Variants in SULF1 observed in about 807,000 individuals in gnomAD.
The protein encoded by SULF1 is extracellular sulfatase Sulf-1.
SULF1 carries 46 observed loss-of-function variants against 110.5 expected under a neutral mutation model. The ratio of observed to expected loss-of-function variants is 0.42; its 90% CI spans 0.33 to 0.53. The LOEUF is 0.53. Among genes scored for constraint, SULF1 ranks in the 20% least tolerant of loss-of-function variants. The pLI is 0.12. For missense variants in SULF1, 941 were observed against 1,094.2 expected (o/e 0.86, Z 1.98); for synonymous variants, 371 against 387.1 (o/e 0.96, Z 0.49).
intron 6 of SULF1, among the ~76,000 whole-genome samples, chr8:69,583,180 T>C (rs2150758558): frequency 6.6e-6 from 1 of 152,306 alleles, no homozygotes; most frequent in East Asian, 1.9e-4. Context: ...CTAGATTCTT[T>C]TAAAAATAAT....
Position 69,576,244 on chromosome 8 carries a change from G to A in SULF1, c.412+35G>A, listed in dbSNP as rs777204791. 262 of 1,600,632 alleles carry A rather than the reference G, an allele frequency of 1.6e-4. 1 individual carries two copies. The highest frequency in any genetic ancestry group is 3.5e-4 in the South Asian group (31 of 88,684). ...GACGTTTCTAGCCCATGAACGTCTTGTAATATGTCTTAGACTCAGGAAGAA... is the reference window on the plus strand; with the variant it reads ...GACGTTTCTAGCCCATGAACGTCTTATAATATGTCTTAGACTCAGGAAGAA... On this transcript the variant is annotated intron_variant, in intron 6 of 22. Transcript: ENST00000402687.
intron 3 of SULF1, among the ~76,000 whole-genome samples, chr8:69,556,617 A>G (rs1015703539): frequency 6.6e-6 from 1 of 152,238 alleles, no homozygotes; most frequent in Non-Finnish European, 1.5e-5. Flanking sequence ...TAAGCCATAG[A>G]TATATAAAAC....
chr8:69,635,157 G>A (rs1352035043), intron 19 of SULF1, among the ~76,000 whole-genome samples: 1 of 152,184 alleles, frequency 6.6e-6, no homozygotes, highest in African/African-American at 2.4e-5. Context: ...AGGGAGAGAG[G>A]GTTGAATAGG....
At chr8:69,613,060 T>C (rs748342330) in intron 13 of SULF1, among the ~76,000 whole-genome samples, 2 of 152,160 alleles carry the variant, frequency 1.3e-5, no homozygotes, top group Non-Finnish European at 2.9e-5. Context: ...TCCAGTTTCA[T>C]TCTTCTACAT....
At chr8:69,497,236 C>T (rs1810429231) in intron 2 of SULF1, among the ~76,000 whole-genome samples, 1 of 146,742 alleles carries the variant, frequency 6.8e-6, no homozygotes, top group Non-Finnish European at 1.5e-5. Context: ...CAGCTCATTG[C>T]AACCTCTGTC....
intron 3 of SULF1, among the ~76,000 whole-genome samples, chr8:69,502,693 T>TTC (rs1460352199): frequency 1.1e-4 from 16 of 146,926 alleles, no homozygotes; most frequent in Non-Finnish European, 2.0e-4. Context: ...TTTTTTTCTT[T>TTC]TTTTTTTTTT....
Position 69,503,301 on chromosome 8 carries a change from A to T in SULF1, c.-134+1333A>T, listed in dbSNP as rs926990616. On this transcript the variant is annotated intron_variant, in intron 3 of 22. Transcript: ENST00000402687. ...AGAATTCTTGGAGCTTTGTCTGAAG[A>T]TGGCATGGGGTATTAACCCCCATGG... Among the ~76,000 whole-genome samples, 4 of 152,322 alleles carry T rather than the reference A, an allele frequency of 2.6e-5. No homozygotes were observed. In the South Asian group the frequency reaches 8.3e-4, roughly 32 times the overall value.
chr8:69,497,155 C>CTTTTTTTTTT (rs5892193), intron 2 of SULF1, among the ~76,000 whole-genome samples: 1 of 121,710 alleles, frequency 8.2e-6, no homozygotes, highest in Non-Finnish European at 1.7e-5. Context: ...GTTCTTTTCT[C>CTTTTTTTTTT]TTTTTTTTTT....
intron 1 of SULF1, among the ~76,000 whole-genome samples, chr8:69,474,302 A>G (rs949831903): frequency 6.6e-6 from 1 of 152,184 alleles, no homozygotes; most frequent in South Asian, 2.1e-4. Context: ...ATTATCTTCA[A>G]ACTCCTATCA....
At chr8:69,627,492 G>A (rs115568274) in intron 16 of SULF1, among the ~76,000 whole-genome samples, 186 bp downstream of exon 16, 268 of 152,278 alleles carry the variant, frequency 1.8e-3, no homozygotes, top group African/African-American at 6.1e-3. Context: ...ACAATATAGA[G>A]TATGAGAAGA....
chr8:69,499,592 A>G (rs1431781057), intron 2 of SULF1, among the ~76,000 whole-genome samples: 1 of 152,118 alleles, frequency 6.6e-6, no homozygotes, highest in Non-Finnish European at 1.5e-5. Context: ...TCATCCTATC[A>G]CCCTTCTCTA....
intron 5 of SULF1, 76 bp downstream of exon 5, chr8:69,564,223 A>C (rs1815707234): frequency 6.5e-7 from 1 of 1,541,420 alleles, no homozygotes; most frequent in African/African-American, 1.4e-5. Flanking sequence ...ATCAGGAGAC[A>C]TTCTGAGGCT....
At chr8:69,532,206 A>G (rs947544388) in intron 3 of SULF1, among the ~76,000 whole-genome samples, 1 of 152,192 alleles carries the variant, frequency 6.6e-6, no homozygotes, top group African/African-American at 2.4e-5. Context: ...TAAATCCTCG[A>G]ACTTTATCTT....
At chr8:69,646,349 CT>C in intron 22 of SULF1, among the ~76,000 whole-genome samples, 1 of 152,234 alleles carries the variant, frequency 6.6e-6, no homozygotes, top group East Asian at 1.9e-4. Context: ...TGGTCCAGCG[CT>C]CTTCTGAATG....
At chr8:69,583,636 G>A (rs535752786) in intron 6 of SULF1, among the ~76,000 whole-genome samples, 2 of 152,144 alleles carry the variant, frequency 1.3e-5, no homozygotes, top group African/African-American at 4.8e-5. Context: ...ACCTCGTAAA[G>A]TCCCCAGAAT....
chr8:69,615,032 A>T (rs576018629), intron 13 of SULF1, among the ~76,000 whole-genome samples: 6 of 152,226 alleles, frequency 3.9e-5, no homozygotes, highest in Non-Finnish European at 8.8e-5. Flanking sequence ...TTTACTGATA[A>T]ACTTCAAGAG....
rs144157646 is a variant in SULF1 at position 69,493,425 on chromosome 8, CCA to C, written c.-391+317_-391+318del. ...GGTGATGTCTGGCTGTTGATACACACCACACACACACACACACAACACTACAC... is the reference window on the plus strand; with the variant it reads ...GGTGATGTCTGGCTGTTGATACACACCACACACACACACACAACACTACAC... On this transcript the variant is annotated intron_variant, in intron 1 of 22. Transcript: ENST00000402687. 2.6e-3 allele frequency among the ~76,000 whole-genome samples: 388 copies of C among 146,770 alleles called. 1 individual carries two copies. The highest frequency in any genetic ancestry group is 7.4e-3 in the African/African-American group (293 of 39,596).
At chr8:69,608,553 T>TGGGCA (rs1046258443) in intron 13 of SULF1, among the ~76,000 whole-genome samples, 1 of 152,044 alleles carries the variant, frequency 6.6e-6, no homozygotes, top group Admixed American at 6.6e-5. Context: ...GGCGTGGTGG[T>TGGGCA]GGGCACCTGT....
At chr8:69,622,508 C>G (rs908672231) in intron 14 of SULF1, among the ~76,000 whole-genome samples, 1 of 151,856 alleles carries the variant, frequency 6.6e-6, no homozygotes, top group Non-Finnish European at 1.5e-5. Context: ...TTGCTTGAAC[C>G]TGAGATGCAG....
Sources: gnomAD v4.1 joint callset for allele counts (sites outside exome capture counted in the v4.1 genomes callset) on GRCh38, gnomAD v4.1.1 for gene constraint, MANE v1.5 for transcripts, NCBI Gene and HGNC (gene_info 2026-07-23, HGNC 2026-07-21) for gene names.